Variants in TBC1D8 observed in about 807,000 individuals in gnomAD.
The protein encoded by TBC1D8 is TBC1 domain family member 8, also known as BUB2-like protein 1.
In TBC1D8, 65 loss-of-function variants were observed where a neutral mutation model predicts 118.8. The observed-to-expected ratio is 0.55, with a 90% confidence interval of 0.45 to 0.67. The LOEUF is 0.67. TBC1D8 is among the 30% of genes least tolerant of loss of function. The probability of loss-of-function intolerance (pLI) is 0.00; values close to 1 mark genes in which losing one functional copy is unlikely to be tolerated. For synonymous variants in TBC1D8, 566 were observed against 595.8 expected (o/e 0.95, Z 0.73); for missense variants, 1,376 against 1,471.2 (o/e 0.94, Z 1.06).
At position 101,007,724 on chromosome 2, in the gene TBC1D8, G is replaced by C. The variant is rs1246589408; in HGVS notation, c.*97C>G. On this transcript the variant is annotated 3_prime_UTR_variant, in exon 20 of 20. Coordinates refer to ENST00000409318, the MANE Select transcript of TBC1D8 (RefSeq NM_001330348.2). ...GTTTAGCCAGATGCCCCATTGGTAA[G>C]GTAGACTGAAATCTCGGTTTAGGGC... The C allele has an allele frequency of 7.8e-7, 1 of 1,285,480 alleles. No individual in the cohort carries two copies. The highest frequency in any genetic ancestry group is 1.1e-6 in the Non-Finnish European group (1 of 921,182). The allele number at this position is 1,285,480 out of a possible 1,614,324, so 79.6% of individuals were successfully genotyped here.
At chr2:101,093,145 G>GT (rs1676154245) in intron 1 of TBC1D8, among the ~76,000 whole-genome samples, 1 of 151,854 alleles carries the variant, frequency 6.6e-6, no homozygotes, top group Non-Finnish European at 1.5e-5. Context: ...TTTCTTTATT[G>GT]TAAGAACACA....
chr2:101,036,558 G>A (rs1681027077), intron 8 of TBC1D8, among the ~76,000 whole-genome samples: 1 of 152,160 alleles, frequency 6.6e-6, no homozygotes, highest in African/African-American at 2.4e-5. Flanking sequence ...CTGCCAAAAA[G>A]ACACTGGTCA....
intron 14 of TBC1D8, among the ~76,000 whole-genome samples, 161 bp from the exon 15 acceptor site, chr2:101,027,612 T>A (rs569731923): frequency 2.0e-5 from 3 of 152,320 alleles, no homozygotes; most frequent in African/African-American, 7.2e-5. Context: ...CTTCCAGGTA[T>A]CTTTCCCAGG....
rs377189146 is a variant in TBC1D8 at position 101,069,845 on chromosome 2, G to A, written c.284-10306C>T. ...AATTAAATTATTCACTATTCTTATC[G>A]CTTTCAGTTTTACAGATAACATTCT... On this transcript the variant is annotated intron_variant, in intron 2 of 19. Coordinates refer to ENST00000409318, the MANE Select transcript of TBC1D8 (RefSeq NM_001330348.2). Among the ~76,000 whole-genome samples, 10 of 150,762 alleles carry A rather than the reference G, an allele frequency of 6.6e-5. No individual in the cohort carries two copies. The South Asian group carries it at 1.3e-3, about 19-fold the overall frequency.
intron 15 of TBC1D8, among the ~76,000 whole-genome samples, chr2:101,025,050 C>A (rs1485827188): frequency 6.6e-6 from 1 of 152,018 alleles, no homozygotes; most frequent in Non-Finnish European, 1.5e-5. Flanking sequence ...TTATATATAC[C>A]ATAATCTCAC....
intron 1 of TBC1D8, among the ~76,000 whole-genome samples, chr2:101,093,646 C>A (rs1574020162): frequency 6.6e-6 from 1 of 151,860 alleles, no homozygotes; most frequent in East Asian, 2.0e-4. Flanking sequence ...ACCCAGGTGG[C>A]AGAGGTTGCA....
At chr2:101,140,407 T>A (rs1020753569) in intron 1 of TBC1D8, among the ~76,000 whole-genome samples, 1 of 152,158 alleles carries the variant, frequency 6.6e-6, no homozygotes, top group Non-Finnish European at 1.5e-5. Context: ...AGGCTAAATA[T>A]AGCACACTGA....
chr2:101,033,495 T>G, intron 10 of TBC1D8, 49 bp downstream of exon 10: 20 of 1,605,552 alleles, frequency 1.2e-5, no homozygotes, highest in Non-Finnish European at 1.4e-5. Flanking sequence ...AAGGACAACA[T>G]GAGACACCAA....
intron 2 of TBC1D8, among the ~76,000 whole-genome samples, chr2:101,078,424 G>A (rs746573302): frequency 3.2e-4 from 49 of 152,140 alleles, no homozygotes; most frequent in Non-Finnish European, 4.6e-4. Context: ...AGAATGGACT[G>A]AGTCCAGGGA....
intron 1 of TBC1D8, chr2:101,109,749 C>T (rs2105477921): frequency 1.0e-6 from 1 of 977,130 alleles, no homozygotes; most frequent in Non-Finnish European, 1.2e-6. Context: ...GCCCTGGCTC[C>T]AGAGCCCACG....
intron 8 of TBC1D8, among the ~76,000 whole-genome samples, 193 bp from the exon 9 acceptor site, chr2:101,036,361 A>G (rs1681011822): frequency 6.6e-6 from 1 of 152,196 alleles, no homozygotes; most frequent in East Asian, 1.9e-4. Context: ...GCAAAGATGA[A>G]TAACACAGGG....
chr2:101,096,516 A>G (rs1259487363), intron 1 of TBC1D8, among the ~76,000 whole-genome samples: 2 of 151,892 alleles, frequency 1.3e-5, no homozygotes, highest in Non-Finnish European at 2.9e-5. Context: ...ATATGACACA[A>G]CCTTGGAATT....
chr2:101,085,068 G>T (rs766115554), intron 2 of TBC1D8, among the ~76,000 whole-genome samples: 27 of 151,852 alleles, frequency 1.8e-4, no homozygotes, highest in Admixed American at 5.3e-4. Context: ...AGCCAGGATG[G>T]TCGCGATCTC....
intron 1 of TBC1D8, among the ~76,000 whole-genome samples, chr2:101,147,223 A>T (rs1679356675): frequency 6.6e-6 from 1 of 152,172 alleles, no homozygotes; most frequent in Non-Finnish European, 1.5e-5. Context: ...CTCTTGTTGG[A>T]CACTTAGGTC....
At chr2:101,135,524 T>G (rs1390680359) in intron 1 of TBC1D8, among the ~76,000 whole-genome samples, 1 of 152,186 alleles carries the variant, frequency 6.6e-6, no homozygotes, top group East Asian at 1.9e-4. Context: ...TGAAGCCACC[T>G]CAAATGTTCT....
chr2:101,146,021 G>A (rs1679303755), intron 1 of TBC1D8, among the ~76,000 whole-genome samples: 2 of 150,200 alleles, frequency 1.3e-5, no homozygotes, highest in East Asian at 3.9e-4. Flanking sequence ...AACCTACCAG[G>A]TGCCAAGCAC....
At chr2:101,009,545 A>C (rs1166053325) in intron 19 of TBC1D8, among the ~76,000 whole-genome samples, 1 of 152,142 alleles carries the variant, frequency 6.6e-6, no homozygotes, top group East Asian at 1.9e-4. Context: ...CTATAGAAAA[A>C]AAAAGGTTAT....
chr2:101,119,584 G>A (rs1045023455), intron 1 of TBC1D8, among the ~76,000 whole-genome samples: 4 of 152,194 alleles, frequency 2.6e-5, no homozygotes, highest in African/African-American at 4.8e-5. Flanking sequence ...CCACTCCAGA[G>A]TCTGATGTCA....
In TBC1D8 at chr2:101,008,257, A is replaced by T; in HGVS notation, c.3032T>A (p.Phe1011Tyr). 6.5e-7 allele frequency: 1 copy of T among 1,540,612 alleles called. No individual in the cohort carries two copies. Among genetic ancestry groups the T allele is most frequent in the Non-Finnish European group, 8.7e-7 (1 of 1,143,570 alleles). The change falls in exon 20 of 20, where the codon TTC (phenylalanine) becomes TAC (tyrosine). Residue 1011 changes from phenylalanine to tyrosine, a missense_variant. Transcript: ENST00000409318. ...PKMSQREFIQ[F>Y]CKTLYSMFHE... is the part of the protein sequence containing the mutation. Reference sequence around the variant, plus strand: ...GAACATACTGTACAGAGTTTTACAGAACTGGATAAATTCTCTCTGAAATTG... The same window carrying T: ...GAACATACTGTACAGAGTTTTACAGTACTGGATAAATTCTCTCTGAAATTG...
Sources: allele counts gnomAD v4.1 joint callset (sites outside exome capture counted in the v4.1 genomes callset), GRCh38; gene constraint gnomAD v4.1.1; transcripts MANE v1.5; gene names NCBI Gene and HGNC (gene_info 2026-07-23, HGNC 2026-07-21).